The following SCAF8 variants were observed in gnomAD, a reference collection of about 807,000 sequenced individuals.
SCAF8 encodes SR-related and CTD-associated factor 8.
A neutral mutation model predicts 140.5 loss-of-function variants in SCAF8; 23 were observed. That is an observed-to-expected ratio of 0.16 (90% confidence interval 0.12 to 0.23). The LOEUF (loss-of-function observed/expected upper bound fraction) is 0.23. SCAF8 is among the 10% of genes least tolerant of loss of function. The pLI is 1.00. For synonymous variants in SCAF8, 575 were observed against 528.9 expected, an observed-to-expected ratio of 1.09 and a Z score of -1.20; for missense variants, 1,397 against 1,555.7, an observed-to-expected ratio of 0.90 and a Z score of 1.72.
chr6:154,772,480 A>C (rs1215598214), intron 1 of SCAF8, among the ~76,000 whole-genome samples: 2 of 152,176 alleles, frequency 1.3e-5, no homozygotes, highest in African/African-American at 4.8e-5. Context: ...GCTTGAGCCC[A>C]GCAGTTCAAG....
chr6:154,747,302 TC>T (rs1221935552), intron 1 of SCAF8, among the ~76,000 whole-genome samples: 4 of 152,064 alleles, frequency 2.6e-5, no homozygotes, highest in African/African-American at 4.8e-5. Context: ...TTGCTTGAGA[TC>T]AGGAGTTCCA....
At chr6:154,805,595 T>A (rs1375713773) in intron 9 of SCAF8, 109 bp downstream of exon 9, 8 of 473,178 alleles carry the variant, frequency 1.7e-5, no homozygotes, top group Non-Finnish European at 2.6e-5. Context: ...AATAGAATAT[T>A]TTCTCAACTA....
rs1583049981 is a variant in SCAF8 at position 154,803,434 on chromosome 6, A to G, written c.784-110A>G. On this transcript the variant is annotated intron_variant, in intron 7 of 19. Transcript: ENST00000367178. Reference sequence around the variant, plus strand: ...AAAGTGATACAAAATGTTTATTTACACATTAAATGATAGATATAACGGAAT... The same window carrying G: ...AAAGTGATACAAAATGTTTATTTACGCATTAAATGATAGATATAACGGAAT... 3 of 736,888 alleles carry G rather than the reference A, an allele frequency of 4.1e-6. No individual in the cohort carries two copies. In the East Asian group the frequency reaches 8.0e-5, roughly 20 times the overall value. 45.6% of individuals were successfully genotyped at this position (736,888 alleles called of 1,614,324 possible).
chr6:154,796,387 C>CTGTCTGTCTG (rs1204488040), intron 6 of SCAF8, among the ~76,000 whole-genome samples: 1 of 143,452 alleles, frequency 7.0e-6, no homozygotes, highest in African/African-American at 2.7e-5. Flanking sequence ...CTCTCTCTCT[C>CTGTCTGTCTG]TCTCTGTCTC....
Position 154,794,919 on chromosome 6 carries a change from T to G in SCAF8, c.476-90T>G, listed in dbSNP as rs1291039198. 5 of 1,251,134 alleles carry G rather than the reference T, an allele frequency of 4.0e-6. No homozygotes were observed. In the East Asian group the frequency reaches 1.2e-4, roughly 31 times the overall value. The allele number at this position is 1,251,134 out of a possible 1,614,324, so 77.5% of individuals were successfully genotyped here. A position where few individuals can be genotyped will look rare whatever the true frequency, so the allele number is the denominator to read the frequency against. ...AAACAATATGCGTGCATGTGTTTTA[T>G]AAAAGTAATAAAACAAGTTATTCTG... On this transcript the variant is annotated intron_variant, in intron 5 of 19. Transcript: ENST00000367178.
Position 154,787,859 on chromosome 6 carries a change from A to T in SCAF8, c.160-2A>T. On this transcript the variant is annotated splice_acceptor_variant, in intron 3 of 19. Transcript: ENST00000367178. LOFTEE classifies it high-confidence loss of function. ...CCTTTTCATTCTTCTTTTTTTCATC[A>T]GTGTAAACCAGAATACAAAGTACCT... 3 of 1,579,000 alleles carry T rather than the reference A, an allele frequency of 1.9e-6. No individual in the cohort carries two copies. Among genetic ancestry groups the T allele is most frequent in the South Asian group, 1.2e-5 (1 of 84,696 alleles).
In SCAF8 at chr6:154,833,258, C is replaced by T. The variant is rs764474001; in HGVS notation, c.3679C>T (p.Pro1227Ser). 2.5e-6 allele frequency: 4 copies of T among 1,613,956 alleles called. No individual in the cohort carries two copies. In the African/African-American group the frequency reaches 4.0e-5, roughly 16 times the overall value. ...TACAGAGAGACATGCTCAGCCACCA[C>T]CTATACCAGTACAGAATGATCCTGA... ...ENTERHAQPP[P>S]IPVQNDPELY... is the part of the protein sequence containing the mutation. The change falls in exon 20 of 20, where the codon CCT becomes TCT. Residue 1227 changes from proline to serine, a missense_variant. Transcript: ENST00000367178.
chr6:154,830,293 T>TACGGCATTCTAA (rs1294810974), intron 18 of SCAF8, among the ~76,000 whole-genome samples: 2 of 152,258 alleles, frequency 1.3e-5, no homozygotes, highest in Non-Finnish European at 2.9e-5. Flanking sequence ...AGTATGATTT[T>TACGGCATTCTAA]ACGGCATTCT....
intron 1 of SCAF8, among the ~76,000 whole-genome samples, chr6:154,761,149 A>G (rs1039184806): frequency 6.6e-6 from 1 of 151,896 alleles, no homozygotes; most frequent in African/African-American, 2.4e-5. Flanking sequence ...TTTGATAGTG[A>G]GTTATTAGGT....
intron 3 of SCAF8, among the ~76,000 whole-genome samples, chr6:154,786,236 G>A (rs1415530080): frequency 6.6e-6 from 1 of 152,204 alleles, no homozygotes; most frequent in Non-Finnish European, 1.5e-5. Flanking sequence ...GGAATCATAG[G>A]GAGGTCCAAG....
At chr6:154,808,273 A>T (rs1777981575) in intron 10 of SCAF8, 72 bp downstream of exon 10, 9 of 1,376,640 alleles carry the variant, frequency 6.5e-6, no homozygotes, top group Non-Finnish European at 9.2e-6. Flanking sequence ...ATTTTATACT[A>T]GCAGTGCCCT....
At chr6:154,829,943 T>C (rs565180147) in intron 18 of SCAF8, among the ~76,000 whole-genome samples, 1 of 152,316 alleles carries the variant, frequency 6.6e-6, no homozygotes, top group Admixed American at 6.5e-5. Flanking sequence ...CTTTTTGTTA[T>C]TGTTGGTTCA....
intron 12 of SCAF8, among the ~76,000 whole-genome samples, chr6:154,812,849 G>C (rs1189779846): frequency 1.3e-5 from 2 of 152,166 alleles, no homozygotes; most frequent in East Asian, 3.9e-4. Context: ...GGGAAATACA[G>C]AACAGAGTTC....
intron 2 of SCAF8, among the ~76,000 whole-genome samples, chr6:154,776,225 C>A (rs1776912268): frequency 6.6e-6 from 1 of 151,682 alleles, no homozygotes; most frequent in Non-Finnish European, 1.5e-5. Context: ...GTGACATTGA[C>A]ATTTTTGAAG....
At chr6:154,808,658 T>G in intron 10 of SCAF8, 28 bp from the exon 11 acceptor site, 1 of 1,407,248 alleles carries the variant, frequency 7.1e-7, no homozygotes, top group South Asian at 1.2e-5. Flanking sequence ...AGCCTTTCTG[T>G]TTGTTTGCTG....
intron 3 of SCAF8, among the ~76,000 whole-genome samples, chr6:154,786,355 A>G (rs1240511076): frequency 6.6e-6 from 1 of 152,236 alleles, no homozygotes; most frequent in Non-Finnish European, 1.5e-5. Context: ...GGTCTGCAAA[A>G]TATCTCAAGC....
intron 1 of SCAF8, among the ~76,000 whole-genome samples, chr6:154,750,155 AAAAG>A (rs1285890813): frequency 2.0e-5 from 3 of 152,112 alleles, no homozygotes; most frequent in Admixed American, 1.3e-4. Flanking sequence ...CACCAAGAAT[AAAAG>A]AAAGATCCTC....
chr6:154,733,402 G>T, upstream of SCAF8: 2 of 1,385,288 alleles, frequency 1.4e-6, no homozygotes, highest in South Asian at 3.1e-5. Flanking sequence ...TGCGCGGCCC[G>T]ACTCGAGTCC....
intron 1 of SCAF8, among the ~76,000 whole-genome samples, chr6:154,745,816 T>C (rs1778684301): frequency 6.6e-6 from 1 of 152,182 alleles, no homozygotes; most frequent in African/African-American, 2.4e-5. Flanking sequence ...TTGCATTCTC[T>C]ACAAGCTTTC....
Sources: allele counts gnomAD v4.1 joint callset (sites outside exome capture counted in the v4.1 genomes callset), GRCh38; gene constraint gnomAD v4.1.1; transcripts MANE v1.5; gene names NCBI Gene and HGNC (gene_info 2026-07-23, HGNC 2026-07-21).